SETBP1: variants seen among roughly 807,000 people sequenced by gnomAD.
The protein encoded by SETBP1 is SET binding protein 1.
SETBP1 carries 9 observed loss-of-function variants against 101.0 expected under a neutral mutation model. The observed-to-expected ratio is 0.09, with a 90% confidence interval of 0.05 to 0.16. SETBP1 has a LOEUF of 0.16. Among genes scored for constraint, SETBP1 ranks in the 10% least tolerant of loss-of-function variants. The probability of loss-of-function intolerance (pLI) is 1.00; values close to 1 mark genes in which losing one functional copy is unlikely to be tolerated. For synonymous variants in SETBP1, 818 were observed against 788.5 expected, an observed-to-expected ratio of 1.04 and a Z score of -0.63; for missense variants, 1,858 against 2,033.8, an observed-to-expected ratio of 0.91 and a Z score of 1.66.
In SETBP1 at chr18:44,923,724, C is replaced by G. The variant is rs375804036; in HGVS notation, c.541-26157C>G. 5.3e-5 allele frequency among the ~76,000 whole-genome samples: 8 copies of G among 152,294 alleles called. 1 individual carries two copies. The highest frequency in any genetic ancestry group is 2.1e-4 in the South Asian group (1 of 4,822). On this transcript the variant is annotated intron_variant, in intron 3 of 5. Coordinates refer to ENST00000649279, the MANE Select transcript of SETBP1 (RefSeq NM_015559.3). ...ACTTTGCTTCTCTTCCATCTATGGACATGATTGATTACTTAACCTCCCCTT... is the reference window on the plus strand; with the variant it reads ...ACTTTGCTTCTCTTCCATCTATGGAGATGATTGATTACTTAACCTCCCCTT...
intron 2 of SETBP1, among the ~76,000 whole-genome samples, chr18:44,850,052 C>T (rs940776205): frequency 6.6e-6 from 1 of 152,198 alleles, no homozygotes; most frequent in African/African-American, 2.4e-5. Flanking sequence ...TCCCCCTTGG[C>T]TCTCACCTCC....
At chr18:45,062,010 G>C (rs1039645458) in intron 5 of SETBP1, among the ~76,000 whole-genome samples, 3 of 152,218 alleles carry the variant, frequency 2.0e-5, no homozygotes, top group African/African-American at 7.2e-5. Context: ...CTGTGTGAGT[G>C]TATGTGCCCA....
chr18:44,851,131 T>TATCATCATC (rs1231763031), intron 2 of SETBP1, among the ~76,000 whole-genome samples: 20 of 152,160 alleles, frequency 1.3e-4, no homozygotes, highest in Non-Finnish European at 2.9e-5. Context: ...TCATTATCAT[T>TATCATCATC]ATCATCATCA....
At chr18:44,892,655 A>G (rs1024027921) in intron 3 of SETBP1, among the ~76,000 whole-genome samples, 1 of 152,064 alleles carries the variant, frequency 6.6e-6, no homozygotes, top group Non-Finnish European at 1.5e-5. Flanking sequence ...ATTGTTTGGA[A>G]ATTATTCTGT....
chr18:44,934,882 A>G (rs1246888912), intron 3 of SETBP1, among the ~76,000 whole-genome samples: 1 of 152,212 alleles, frequency 6.6e-6, no homozygotes, highest in Non-Finnish European at 1.5e-5. Context: ...ACAGTCCACA[A>G]GTGACACATG....
At chr18:44,891,752 C>T (rs568433522) in intron 3 of SETBP1, among the ~76,000 whole-genome samples, 1 of 152,170 alleles carries the variant, frequency 6.6e-6, no homozygotes, top group East Asian at 1.9e-4. Flanking sequence ...TTTATCTGAC[C>T]AATTCAGAGT....
chr18:44,837,471 T>C (rs996257342), intron 2 of SETBP1, among the ~76,000 whole-genome samples: 4 of 152,236 alleles, frequency 2.6e-5, no homozygotes, highest in African/African-American at 9.6e-5. Flanking sequence ...CGTTTTTATT[T>C]GATAACGGAT....
intron 2 of SETBP1, among the ~76,000 whole-genome samples, chr18:44,822,079 T>C (rs2072124868): frequency 6.6e-6 from 1 of 152,254 alleles, no homozygotes; most frequent in Non-Finnish European, 1.5e-5. Context: ...TCAATCAGCA[T>C]TTGTTGACTG....
At chr18:44,813,136 C>T (rs147905065) in intron 2 of SETBP1, among the ~76,000 whole-genome samples, 16 of 152,214 alleles carry the variant, frequency 1.1e-4, no homozygotes, top group Admixed American at 3.9e-4. Context: ...ACAAGTGTTT[C>T]TCTGAGAGTC....
At chr18:44,991,307 GAAATA>G (rs1008947726) in intron 4 of SETBP1, among the ~76,000 whole-genome samples, 2 of 146,798 alleles carry the variant, frequency 1.4e-5, no homozygotes, top group African/African-American at 5.0e-5. Context: ...TATAAATCAT[GAAATA>G]AAATAATAAT....
chr18:44,891,211 C>T (rs144131383), intron 3 of SETBP1, among the ~76,000 whole-genome samples: 1 of 152,178 alleles, frequency 6.6e-6, no homozygotes, highest in African/African-American at 2.4e-5. Flanking sequence ...AGGCCTGCCT[C>T]CATGATTCAA....
chr18:44,703,782 G>A (rs2069163300), intron 2 of SETBP1, among the ~76,000 whole-genome samples: 1 of 152,150 alleles, frequency 6.6e-6, no homozygotes, highest in African/African-American at 2.4e-5. Context: ...GAAACCAAAG[G>A]TTTAATCTCC....
chr18:44,832,027 T>C (rs2072382650), intron 2 of SETBP1, among the ~76,000 whole-genome samples: 1 of 152,210 alleles, frequency 6.6e-6, no homozygotes, highest in African/African-American at 2.4e-5. Context: ...GATTTATTGA[T>C]TATTAAATAG....
chr18:44,838,123 G>T (rs1173521549), intron 2 of SETBP1, among the ~76,000 whole-genome samples: 1 of 152,194 alleles, frequency 6.6e-6, no homozygotes, highest in Non-Finnish European at 1.5e-5. Context: ...AGCAGCCCAT[G>T]CCTGGCTCTG....
chr18:44,977,469 A>G lies in SETBP1; in HGVS notation c.4000+24129A>G, dbSNP rs2072016706. Among the ~76,000 whole-genome samples the G allele has an allele frequency of 2.0e-5, 3 of 152,224 alleles. No individual in the cohort carries two copies. The South Asian group carries it at 6.2e-4, about 32-fold the overall frequency. ...TAGAATGAGGGACCACGAGTGGGGA[A>G]ATGCTTTTTGATGGATGAATTGGAT... is the stretch of plus-strand genomic sequence containing the variant. On this transcript the variant is annotated intron_variant, in intron 4 of 5. Transcript: ENST00000649279.
At chr18:45,061,905 G>A (rs979474302) in intron 5 of SETBP1, among the ~76,000 whole-genome samples, 1 of 152,208 alleles carries the variant, frequency 6.6e-6, no homozygotes, top group Non-Finnish European at 1.5e-5. Flanking sequence ...AACATGCAGC[G>A]TAAATCATAG....
intron 2 of SETBP1, among the ~76,000 whole-genome samples, chr18:44,827,267 A>G (rs1048864798): frequency 1.3e-5 from 2 of 152,352 alleles, no homozygotes; most frequent in South Asian, 4.1e-4. Context: ...AAACAAAAAC[A>G]AAAGCTTGTG....
chr18:44,985,344 G>A (rs2072208967), intron 4 of SETBP1, among the ~76,000 whole-genome samples: 1 of 152,170 alleles, frequency 6.6e-6, no homozygotes, highest in Admixed American at 6.5e-5. Context: ...CAGATAACTT[G>A]TAACTTGTTC....
At chr18:44,996,805 T>C (rs1349003953) in intron 4 of SETBP1, among the ~76,000 whole-genome samples, 1 of 151,976 alleles carries the variant, frequency 6.6e-6, no homozygotes, top group Non-Finnish European at 1.5e-5. Context: ...CACAGAGCAC[T>C]GGATTAAGGC....
Sources: gnomAD v4.1 joint callset for allele counts (sites outside exome capture counted in the v4.1 genomes callset) on GRCh38, gnomAD v4.1.1 for gene constraint, MANE v1.5 for transcripts, NCBI Gene and HGNC (gene_info 2026-07-23, HGNC 2026-07-21) for gene names.